Variants in JHY observed in about 807,000 individuals in gnomAD.
JHY encodes the protein jhy protein homolog.
Under a neutral mutation model 78.0 loss-of-function variants are expected in JHY, and 69 were observed. That is an observed-to-expected ratio of 0.88 (90% confidence interval 0.73 to 1.08). JHY has a LOEUF of 1.08. JHY is among the 50% of genes least tolerant of loss of function. JHY has a pLI of 0.00. For synonymous variants in JHY, 368 were observed against 342.6 expected, an observed-to-expected ratio of 1.07 and a Z score of -0.82; for missense variants, 944 against 927.8, an observed-to-expected ratio of 1.02 and a Z score of -0.23.
chr11:122,934,455 A>G lies in JHY; in HGVS notation c.1014A>G (p.Thr338=). ...YQEHWSQYES[T]KSSNVPRGQP... is the part of the protein sequence containing the mutation. ...AACACTGGTCTCAATATGAAAGTAC[A>G]AAATCAAGCAATGTACCAAGAGGGC... Residue 338 remains threonine, a synonymous_variant, in exon 5 of 9, where the codon ACA becomes ACG. Coordinates refer to ENST00000227349, the MANE Select transcript of JHY (RefSeq NM_024806.4). 6.2e-7 allele frequency: 1 copy of G among 1,613,820 alleles called. No individual in the cohort carries two copies.
chr11:122,934,053 A>G (rs1863690533), intron 4 of JHY, among the ~76,000 whole-genome samples: 1 of 152,204 alleles, frequency 6.6e-6, no homozygotes. Flanking sequence ...TTCTAGGCTT[A>G]TAATCCTAAA....
At chr11:122,956,385 CTT>C in intron 6 of JHY, 109 bp from the exon 7 acceptor site, 2 of 806,118 alleles carry the variant, frequency 2.5e-6, no homozygotes, top group Non-Finnish European at 3.9e-6. Flanking sequence ...TGCACACAGG[CTT>C]TCATTATTTT....
chr11:122,926,599 C>T (rs909590268), intron 4 of JHY, among the ~76,000 whole-genome samples: 11 of 152,200 alleles, frequency 7.2e-5, no homozygotes, highest in African/African-American at 2.7e-4. Context: ...ACTGAAATGT[C>T]TCATGGCTGT....
At position 122,956,509 on chromosome 11, in the gene JHY, A is replaced by G. The variant is rs1864195026; in HGVS notation, c.1943A>G (p.Lys648Arg). The G allele has an allele frequency of 1.2e-6, 2 of 1,613,408 alleles. No individual in the cohort carries two copies. The highest frequency in any genetic ancestry group is 3.3e-5 in the Admixed American group (2 of 59,964). The change falls in exon 7 of 9, where the codon AAA becomes AGA. Residue 648 changes from lysine (K) to arginine (R), a missense_variant. Physicochemically the swap from Lys to Arg is conservative, Grantham distance 26 (BLOSUM62 2). Coordinates refer to ENST00000227349, the MANE Select transcript of JHY (RefSeq NM_024806.4). ...KRSSSKNTKL[K>R]GYQKRDVKLG... ...TTGTATTTTTAGAACACCAAGCTGA[A>G]AGGTTATCAGAAAAGAGACGTGAAG...
intron 3 of JHY, among the ~76,000 whole-genome samples, chr11:122,919,276 C>T (rs1863302142): frequency 6.8e-6 from 1 of 147,268 alleles, no homozygotes; most frequent in Non-Finnish European, 1.5e-5. Flanking sequence ...TCACTTGAAC[C>T]TGGGAGGCGG....
intron 4 of JHY, among the ~76,000 whole-genome samples, chr11:122,931,867 A>G (rs1863643303): frequency 1.3e-5 from 2 of 152,228 alleles, no homozygotes; most frequent in Admixed American, 1.3e-4. Flanking sequence ...GTGGCACAGT[A>G]TGAACGAGCA....
At chr11:122,956,988 A>AACT (rs1168497074) in intron 7 of JHY, among the ~76,000 whole-genome samples, 3 of 152,198 alleles carry the variant, frequency 2.0e-5, no homozygotes, top group Non-Finnish European at 4.4e-5. Context: ...CTCTAGTGAA[A>AACT]GGAGATCTTC....
chr11:122,904,009 T>C lies in JHY; in HGVS notation c.429T>C (p.Ser143=). ...AGAAGGAGGAAGGGCAGCTGCTGTC[T>C]GTGGAAGCGTTGCCGGAGTCCACGG... The part of the protein sequence containing the change: ...KSKKEEGQLL[S]VEALPESTDS... The change falls in exon 3 of 9, where the codon TCT becomes TCC. Residue 143 remains serine (S), a synonymous_variant. Coordinates refer to ENST00000227349, the MANE Select transcript of JHY (RefSeq NM_024806.4). 6.2e-7 allele frequency: 1 copy of C among 1,614,190 alleles called. No individual in the cohort carries two copies. The highest frequency in any genetic ancestry group is 8.5e-7 in the Non-Finnish European group (1 of 1,180,012).
chr11:122,887,013 ACT>A (rs1862509215), intron 2 of JHY, among the ~76,000 whole-genome samples: 1 of 152,182 alleles, frequency 6.6e-6, no homozygotes, highest in African/African-American at 2.4e-5. Flanking sequence ...GTGTGATATC[ACT>A]CTGTTACAAT....
At position 122,886,009 on chromosome 11, in the gene JHY, A is replaced by T. The variant is rs2135276166; in HGVS notation, c.160A>T (p.Ile54Phe). ...ESDSESLTQE[I>F]MCHSEFDDRI... ...TGATTCAGAAAGCCTCACGCAAGAG[A>T]TTATGTGCCATTCTGAGTTTGATGA... Residue 54 changes from isoleucine to phenylalanine, a missense_variant, in exon 2 of 9, where the codon ATT becomes TTT. By Grantham distance (21) the Ile-to-Phe change is conservative (BLOSUM62 0). Transcript: ENST00000227349. The T allele has an allele frequency of 6.2e-7, 1 of 1,614,170 alleles. No individual in the cohort carries two copies. Among genetic ancestry groups the T allele is most frequent in the African/African-American group, 1.3e-5 (1 of 75,020 alleles).
chr11:122,957,286 C>G, intron 7 of JHY, 77 bp from the exon 8 acceptor site: 1 of 1,433,018 alleles, frequency 7.0e-7, no homozygotes, highest in South Asian at 1.6e-5. Context: ...TATACTGAAA[C>G]CAGGGCATCG....
chr11:122,934,198 A>G (rs1863694767), intron 4 of JHY, among the ~76,000 whole-genome samples: 1 of 151,958 alleles, frequency 6.6e-6, no homozygotes, highest in South Asian at 2.1e-4. Context: ...GGAAAACACT[A>G]ATTTAAAATT....
chr11:122,923,938 C>A (rs1863435598), intron 3 of JHY, among the ~76,000 whole-genome samples: 1 of 143,166 alleles, frequency 7.0e-6, no homozygotes, highest in Non-Finnish European at 1.5e-5. Flanking sequence ...AGGGTTTCGC[C>A]ATCTTGGCCA....
chr11:122,936,413 C>T (rs1863757275), intron 5 of JHY, among the ~76,000 whole-genome samples: 1 of 151,358 alleles, frequency 6.6e-6, no homozygotes, highest in Non-Finnish European at 1.5e-5. Context: ...TGATAAATAG[C>T]AGGCATCTTT....
intron 4 of JHY, among the ~76,000 whole-genome samples, chr11:122,926,518 A>G (rs1454476108): frequency 6.6e-6 from 1 of 152,206 alleles, no homozygotes; most frequent in Non-Finnish European, 1.5e-5. Context: ...AAAGAAATAA[A>G]AAGTCATTCA....
chr11:122,923,264 A>C (rs919682970), intron 3 of JHY, among the ~76,000 whole-genome samples: 7 of 152,240 alleles, frequency 4.6e-5, no homozygotes, highest in Admixed American at 1.3e-4. Flanking sequence ...TCTGGCATTC[A>C]GGTTGCTCAG....
intron 6 of JHY, chr11:122,947,367 C>G (rs891761636): frequency 1.3e-5 from 2 of 152,550 alleles, no homozygotes; most frequent in Middle Eastern, 3.4e-3. Flanking sequence ...CTGACCTTTA[C>G]TGAGTTCTTT....
At chr11:122,948,634 T>C (rs1864017859) in intron 6 of JHY, among the ~76,000 whole-genome samples, 1 of 151,690 alleles carries the variant, frequency 6.6e-6, no homozygotes, top group East Asian at 1.9e-4. Context: ...CAAATAATGA[T>C]ATTAATTAAT....
intron 5 of JHY, among the ~76,000 whole-genome samples, chr11:122,936,625 C>G (rs868525449): frequency 6.6e-6 from 1 of 152,024 alleles, no homozygotes; most frequent in South Asian, 2.1e-4. Context: ...CTCCATTAAT[C>G]CTTTAGTGTG....
Sources: allele counts gnomAD v4.1 joint callset (sites outside exome capture counted in the v4.1 genomes callset), GRCh38; gene constraint gnomAD v4.1.1; transcripts MANE v1.5; gene names NCBI Gene and HGNC (gene_info 2026-07-23, HGNC 2026-07-21).